The following TASP1 variants were observed in gnomAD, a reference collection of about 807,000 sequenced individuals.
The protein encoded by TASP1 is taspase 1.
A neutral mutation model predicts 56.6 loss-of-function variants in TASP1; 16 were observed. The observed-to-expected ratio is 0.28, with a 90% CI of 0.19 to 0.43. The LOEUF (loss-of-function observed/expected upper bound fraction) is 0.43, where lower values mean the gene tolerates loss of function less well. TASP1 is among the 20% of genes least tolerant of loss of function. The pLI, the probability that TASP1 is intolerant of heterozygous loss-of-function variation, is 1.00. For missense variants in TASP1, 393 were observed against 511.6 expected, an observed-to-expected ratio of 0.77 and a Z score of 2.24; for synonymous variants, 179 against 184.2, an observed-to-expected ratio of 0.97 and a Z score of 0.23.
At chr20:13,458,177 C>A (rs553851854) in intron 11 of TASP1, among the ~76,000 whole-genome samples, 2 of 151,834 alleles carry the variant, frequency 1.3e-5, no homozygotes, top group African/African-American at 4.8e-5. Flanking sequence ...ATGGTCAATC[C>A]GAAATATTTC....
chr20:13,472,061 T>G (rs867094851), intron 11 of TASP1, among the ~76,000 whole-genome samples: 1 of 151,582 alleles, frequency 6.6e-6, no homozygotes, highest in African/African-American at 2.4e-5. Flanking sequence ...AGAACAAAGC[T>G]GGAGGCATCA....
the TASP1 span, among the ~76,000 whole-genome samples, chr20:13,356,550 T>C: frequency 5.3e-5 from 8 of 152,172 alleles, no homozygotes; most frequent in African/African-American, 1.4e-4. Flanking sequence ...GAAAATCTAT[T>C]TTTTTCAAAC....
At chr20:13,338,475 A>G in the TASP1 span, among the ~76,000 whole-genome samples, 1 of 152,134 alleles carries the variant, frequency 6.6e-6, no homozygotes, top group Non-Finnish European at 1.5e-5. Flanking sequence ...CCTCCTGGGA[A>G]TGCAGCCCAG....
the TASP1 span, among the ~76,000 whole-genome samples, chr20:13,304,591 C>T: frequency 6.6e-6 from 1 of 152,150 alleles, no homozygotes; most frequent in Non-Finnish European, 1.5e-5. Flanking sequence ...TTTCCATCAT[C>T]GTGGAGCCCA....
chr20:13,625,307 A>T, intron 2 of TASP1, 55 bp from the exon 3 acceptor site: 2 of 1,439,730 alleles, frequency 1.4e-6, no homozygotes, highest in Admixed American at 3.7e-5. Flanking sequence ...GACCTTGCTT[A>T]TGTTATATAA....
chr20:13,537,984 G>A (rs953722408), intron 8 of TASP1, among the ~76,000 whole-genome samples: 6 of 151,304 alleles, frequency 4.0e-5, no homozygotes, highest in African/African-American at 1.5e-4. Context: ...AATCTGCCAA[G>A]AGACACCATC....
At chr20:13,453,209 G>A (rs1322964337) in intron 11 of TASP1, among the ~76,000 whole-genome samples, 1 of 152,112 alleles carries the variant, frequency 6.6e-6, no homozygotes, top group Non-Finnish European at 1.5e-5. Flanking sequence ...GGAATGGCAA[G>A]GAACTGATGG....
the TASP1 span, chr20:13,221,935 G>T: frequency 7.6e-7 from 1 of 1,316,942 alleles, no homozygotes; most frequent in Non-Finnish European, 9.6e-7. Context: ...CGCCGGAGAG[G>T]GCCGTGCGCG....
the TASP1 span, among the ~76,000 whole-genome samples, chr20:13,263,219 C>T: frequency 7.1e-4 from 108 of 152,320 alleles, 1 homozygote; most frequent in African/African-American, 2.5e-3. Flanking sequence ...CATACACAGG[C>T]TTCATGAGAG....
At chr20:13,599,791 T>A (rs1601398635) in intron 4 of TASP1, among the ~76,000 whole-genome samples, 3 of 141,594 alleles carry the variant, frequency 2.1e-5, no homozygotes, top group African/African-American at 2.6e-5. Flanking sequence ...ATTCGTGATT[T>A]AAAAAAAAAA....
At chr20:13,113,265 C>T in the TASP1 span, among the ~76,000 whole-genome samples, 1 of 152,168 alleles carries the variant, frequency 6.6e-6, no homozygotes, top group African/African-American at 2.4e-5. Flanking sequence ...TTCACAAATG[C>T]ACTCCTACTT....
chr20:13,321,275 A>AAAAAAAAAAAAAAAAAAAAAAAC, the TASP1 span, among the ~76,000 whole-genome samples: 1 of 150,522 alleles, frequency 6.6e-6, no homozygotes, highest in Non-Finnish European at 1.5e-5. Context: ...AAAAAAAAAA[A>AAAAAAAAAAAAAAAAAAAAAAAC]AGATTTTATG....
At chr20:13,155,561 T>C in the TASP1 span, among the ~76,000 whole-genome samples, 1 of 152,064 alleles carries the variant, frequency 6.6e-6, no homozygotes, top group South Asian at 2.1e-4. Context: ...GCGCGGTGGC[T>C]CATGCCTGTA....
intron 5 of TASP1, among the ~76,000 whole-genome samples, chr20:13,582,802 A>G (rs1156703888): frequency 6.6e-6 from 1 of 152,222 alleles, no homozygotes. Flanking sequence ...CTTCTCAGCT[A>G]CAAATTCACC....
At chr20:13,420,530 G>A (rs1041248383) in intron 12 of TASP1, among the ~76,000 whole-genome samples, 13 of 152,208 alleles carry the variant, frequency 8.5e-5, no homozygotes, top group African/African-American at 2.6e-4. Context: ...ATTAATTCAC[G>A]CTAGCTTGAA....
chr20:13,264,849 AGCTT>A, the TASP1 span, among the ~76,000 whole-genome samples: 1 of 152,178 alleles, frequency 6.6e-6, no homozygotes, highest in African/African-American at 2.4e-5. Context: ...ATCTCAGCAG[AGCTT>A]TCCCAAGGGC....
chr20:13,178,301 T>C, the TASP1 span, among the ~76,000 whole-genome samples: 1 of 152,182 alleles, frequency 6.6e-6, no homozygotes. Flanking sequence ...TACAGACTGT[T>C]CGTGGGAATG....
chr20:13,190,106 C>T, the TASP1 span, among the ~76,000 whole-genome samples: 9 of 152,040 alleles, frequency 5.9e-5, no homozygotes, highest in Admixed American at 2.6e-4. Flanking sequence ...ACATTAGGTG[C>T]ACATGGACAT....
the TASP1 span, chr20:13,280,047 C>T: frequency 1.4e-6 from 1 of 716,170 alleles, no homozygotes; most frequent in Non-Finnish European, 2.2e-6. Context: ...TCCGCAGAAG[C>T]CCAAAGGAGG....
Sources: allele counts gnomAD v4.1 joint callset (sites outside exome capture counted in the v4.1 genomes callset), GRCh38; gene constraint gnomAD v4.1.1; transcripts MANE v1.5; gene names NCBI Gene and HGNC (gene_info 2026-07-23, HGNC 2026-07-21).